The following TTLL5 variants were observed in gnomAD, a reference collection of about 807,000 sequenced individuals.
TTLL5 encodes the protein tubulin tyrosine ligase like 5, also known as tubulin polyglutamylase TTLL5.
In TTLL5, 132 loss-of-function variants were observed where a neutral mutation model predicts 168.4. The ratio of observed to expected loss-of-function variants is 0.78; its 90% CI spans 0.68 to 0.91. TTLL5 has a LOEUF of 0.91. Ranked by LOEUF, TTLL5 falls within the 40% of genes least tolerant of loss-of-function variation. The pLI, the probability that TTLL5 is intolerant of heterozygous loss-of-function variation, is 0.00. For missense variants in TTLL5, 1,545 were observed against 1,581.5 expected, an observed-to-expected ratio of 0.98 and a Z score of 0.39; for synonymous variants, 546 against 558.6, an observed-to-expected ratio of 0.98 and a Z score of 0.32.
intron 28 of TTLL5, 143 bp from the exon 29 acceptor site, chr14:75,863,524 G>C (rs10147054): frequency 0.88 from 656,239 of 742,250 alleles, 290,691 homozygotes; most frequent in East Asian, 0.96. Context: ...GTGGGGGAGT[G>C]AGATAATATC....
At chr14:75,914,033 A>AAAAAAAAAAAAAAAAAATATAT in intron 31 of TTLL5, among the ~76,000 whole-genome samples, 2 of 71,102 alleles carry the variant, frequency 2.8e-5, no homozygotes, top group East Asian at 4.4e-4. Flanking sequence ...AAAAAAAAAA[A>AAAAAAAAAAAAAAAAAATATAT]ATATATATAT....
chr14:75,717,998 C>G (rs1475911671), intron 10 of TTLL5, 36 bp downstream of exon 10: 45 of 1,591,722 alleles, frequency 2.8e-5, no homozygotes, highest in Non-Finnish European at 3.5e-5. Flanking sequence ...TCAGAGGTGT[C>G]AGTCTCAGAT....
chr14:75,686,207 G>A (rs946280780), intron 5 of TTLL5, among the ~76,000 whole-genome samples: 9 of 152,180 alleles, frequency 5.9e-5, no homozygotes, highest in African/African-American at 2.2e-4. Context: ...AGATCAATGA[G>A]TCCAGTCGAG....
chr14:75,665,525 A>C (rs895849202), intron 2 of TTLL5, among the ~76,000 whole-genome samples: 5 of 152,320 alleles, frequency 3.3e-5, no homozygotes, highest in East Asian at 1.9e-4. Flanking sequence ...TCTAGGGGTG[A>C]GTCTTAAACT....
intron 31 of TTLL5, among the ~76,000 whole-genome samples, chr14:75,914,033 A>AATAT (rs1182456559): frequency 5.6e-5 from 4 of 71,098 alleles, no homozygotes; most frequent in South Asian, 5.5e-4. Context: ...AAAAAAAAAA[A>AATAT]ATATATATAT....
intron 30 of TTLL5, among the ~76,000 whole-genome samples, chr14:75,899,895 A>G (rs2032843641): frequency 6.6e-6 from 1 of 150,956 alleles, no homozygotes; most frequent in South Asian, 2.1e-4. Context: ...ATTATTCACT[A>G]CCAGTTTCTA....
intron 18 of TTLL5, among the ~76,000 whole-genome samples, chr14:75,764,005 C>T (rs1307448068): frequency 6.6e-6 from 1 of 152,084 alleles, no homozygotes; most frequent in Non-Finnish European, 1.5e-5. Context: ...GGTGCCTTGG[C>T]ATTTCCTCAT....
chr14:75,775,388 T>A (rs904701175), intron 21 of TTLL5, 96 bp from the exon 22 acceptor site: 60 of 1,366,232 alleles, frequency 4.4e-5, no homozygotes, highest in Non-Finnish European at 5.9e-5. Context: ...ATATATGTCT[T>A]CTTCCATCTC....
chr14:75,803,091 T>C (rs1427976046), intron 27 of TTLL5: 1 of 152,312 alleles, frequency 6.6e-6, no homozygotes, highest in African/African-American at 2.4e-5. Context: ...ACTTGTCCTT[T>C]GTCTCTTAGA....
chr14:75,856,493 T>G (rs1372761121), intron 28 of TTLL5, among the ~76,000 whole-genome samples: 2 of 152,190 alleles, frequency 1.3e-5, no homozygotes, highest in Non-Finnish European at 2.9e-5. Flanking sequence ...TGGTATATCT[T>G]TGTACTTATG....
Position 75,771,869 on chromosome 14 carries a change from A to C in TTLL5, c.2136+15A>C. On this transcript the variant is annotated intron_variant, in intron 21 of 31. Transcript: ENST00000298832. Reference sequence around the variant, plus strand: ...ATGAACAGATGGTAAGGCTTTTCTTACTGAAACCTTTTTACTTTCCCTTTT... The same window carrying C: ...ATGAACAGATGGTAAGGCTTTTCTTCCTGAAACCTTTTTACTTTCCCTTTT... 6.3e-7 allele frequency: 1 copy of C among 1,594,570 alleles called. No individual in the cohort carries two copies. The highest frequency in any genetic ancestry group is 8.5e-7 in the Non-Finnish European group (1 of 1,173,738).
intron 21 of TTLL5, among the ~76,000 whole-genome samples, chr14:75,773,662 G>A (rs1891475377): frequency 6.6e-6 from 1 of 151,946 alleles, no homozygotes; most frequent in Admixed American, 6.6e-5. Context: ...GCTGAGGCGG[G>A]TGGATCAGTT....
At chr14:75,919,664 T>G (rs889519969) in intron 31 of TTLL5, among the ~76,000 whole-genome samples, 1 of 152,162 alleles carries the variant, frequency 6.6e-6, no homozygotes, top group Admixed American at 6.5e-5. Flanking sequence ...GGGCTAAAAC[T>G]ATAAAATTCC....
chr14:75,827,707 C>CT (rs561078439), intron 28 of TTLL5, among the ~76,000 whole-genome samples: 1,355 of 53,210 alleles, frequency 0.025, 168 homozygotes, highest in Non-Finnish European at 0.03. Context: ...TGGCTTGGTT[C>CT]TTTTTTTTTT....
chr14:75,915,190 T>C (rs895612477), intron 31 of TTLL5, among the ~76,000 whole-genome samples: 4 of 152,218 alleles, frequency 2.6e-5, no homozygotes, highest in Non-Finnish European at 5.9e-5. Flanking sequence ...GTCTTTCTTA[T>C]CTTCTGAACT....
intron 14 of TTLL5, among the ~76,000 whole-genome samples, chr14:75,734,396 C>G (rs1196902133): frequency 6.6e-6 from 1 of 152,198 alleles, no homozygotes; most frequent in African/African-American, 2.4e-5. Context: ...TTCTGCTAGA[C>G]AGTCTCTACT....
At chr14:75,790,224 AATAAT>A (rs1263466694) in intron 26 of TTLL5, among the ~76,000 whole-genome samples, 2 of 152,226 alleles carry the variant, frequency 1.3e-5, no homozygotes, top group African/African-American at 4.8e-5. Flanking sequence ...ACTGAAATAA[AATAAT>A]AAAATAAAGG....
At chr14:75,766,906 A>G (rs748268431) in intron 20 of TTLL5, among the ~76,000 whole-genome samples, 1 of 152,136 alleles carries the variant, frequency 6.6e-6, no homozygotes, top group South Asian at 2.1e-4. Context: ...TCTCACACCT[A>G]TAATTGCAGC....
intron 7 of TTLL5, among the ~76,000 whole-genome samples, chr14:75,703,660 A>G (rs1886440724): frequency 6.6e-6 from 1 of 152,232 alleles, no homozygotes; most frequent in Non-Finnish European, 1.5e-5. Context: ...TCCATGGGAA[A>G]TACAGTATTG....
Sources: allele counts gnomAD v4.1 joint callset (sites outside exome capture counted in the v4.1 genomes callset), GRCh38; gene constraint gnomAD v4.1.1; transcripts MANE v1.5; gene names NCBI Gene and HGNC (gene_info 2026-07-23, HGNC 2026-07-21).